Variants in CPA6 observed in about 807,000 individuals in gnomAD.
CPA6 encodes the protein carboxypeptidase B.
Under a neutral mutation model 63.3 loss-of-function variants are expected in CPA6, and 58 were observed. The ratio of observed to expected loss-of-function variants is 0.92; its 90% CI spans 0.74 to 1.14. The LOEUF is 1.14. CPA6 is among the 50% of genes most tolerant of loss of function. The pLI is 0.00. For synonymous variants in CPA6, 185 were observed against 179.0 expected (o/e 1.03, Z -0.27); for missense variants, 565 against 526.6 (o/e 1.07, Z -0.71).
intron 1 of CPA6, among the ~76,000 whole-genome samples, chr8:67,679,760 T>C (rs1816553988): frequency 6.6e-6 from 1 of 152,218 alleles, no homozygotes; most frequent in African/African-American, 2.4e-5. Context: ...TTTGTTCTGG[T>C]GGAAATGCCT....
At chr8:67,458,645 G>A (rs1810731584) in intron 8 of CPA6, among the ~76,000 whole-genome samples, 1 of 152,186 alleles carries the variant, frequency 6.6e-6, no homozygotes, top group African/African-American at 2.4e-5. Flanking sequence ...GAGAACATTT[G>A]CAAAAGACAC....
At chr8:67,695,557 T>C (rs1408793937) in intron 1 of CPA6, among the ~76,000 whole-genome samples, 2 of 152,214 alleles carry the variant, frequency 1.3e-5, no homozygotes, top group African/African-American at 4.8e-5. Context: ...TGCCATGATA[T>C]TCTACACAGC....
intron 8 of CPA6, among the ~76,000 whole-genome samples, chr8:67,469,412 C>T (rs1405152826): frequency 1.3e-5 from 2 of 152,142 alleles, no homozygotes; most frequent in Non-Finnish European, 1.5e-5. Flanking sequence ...TTGAGACCAG[C>T]CTGGTCAACA....
At chr8:67,603,437 A>G (rs546432493) in intron 2 of CPA6, among the ~76,000 whole-genome samples, 81 of 152,216 alleles carry the variant, frequency 5.3e-4, no homozygotes, top group Non-Finnish European at 1.1e-3. Context: ...TATTTCTTTC[A>G]GGGTTATGAT....
At chr8:67,470,158 T>C (rs562216037) in intron 8 of CPA6, among the ~76,000 whole-genome samples, 8 of 151,932 alleles carry the variant, frequency 5.3e-5, no homozygotes, top group Non-Finnish European at 8.8e-5. Flanking sequence ...GCCTCCCAAG[T>C]AGCTGGGATT....
At chr8:67,543,006 G>T (rs945802049) in intron 2 of CPA6, among the ~76,000 whole-genome samples, 1 of 152,090 alleles carries the variant, frequency 6.6e-6, no homozygotes, top group Admixed American at 6.5e-5. Context: ...TGTAGTATTC[G>T]TTAAGAACTT....
chr8:67,682,161 G>C (rs927833495), intron 1 of CPA6, among the ~76,000 whole-genome samples: 1 of 151,746 alleles, frequency 6.6e-6, no homozygotes, highest in Non-Finnish European at 1.5e-5. Flanking sequence ...GAACTTGTTA[G>C]ATCTGTGGCT....
intron 2 of CPA6, among the ~76,000 whole-genome samples, chr8:67,544,038 T>C (rs1812762550): frequency 6.6e-6 from 1 of 152,128 alleles, no homozygotes; most frequent in Non-Finnish European, 1.5e-5. Flanking sequence ...TCCTCCTGCC[T>C]AGGACCCCCA....
chr8:67,663,725 A>G (rs911807389), intron 1 of CPA6, among the ~76,000 whole-genome samples: 2 of 152,196 alleles, frequency 1.3e-5, no homozygotes. Flanking sequence ...ACGGCTGCAT[A>G]GGATTCCATG....
At chr8:67,631,800 G>T (rs973349887) in intron 1 of CPA6, among the ~76,000 whole-genome samples, 1 of 152,106 alleles carries the variant, frequency 6.6e-6, no homozygotes, top group East Asian at 1.9e-4. Flanking sequence ...TGTGGCCAGC[G>T]AGATCATGAA....
chr8:67,518,657 C>A (rs1238248082), intron 2 of CPA6, among the ~76,000 whole-genome samples: 1 of 151,912 alleles, frequency 6.6e-6, no homozygotes, highest in Admixed American at 6.6e-5. Flanking sequence ...CAGGTGCATG[C>A]CACCTGGTCC....
chr8:67,595,476 G>GC (rs1053586237), intron 2 of CPA6, among the ~76,000 whole-genome samples: 5 of 152,222 alleles, frequency 3.3e-5, no homozygotes, highest in African/African-American at 1.2e-4. Context: ...TCTGTGCCCT[G>GC]CCCCCAGAGG....
At chr8:67,566,171 GT>G in intron 2 of CPA6, among the ~76,000 whole-genome samples, 1 of 152,268 alleles carries the variant, frequency 6.6e-6, no homozygotes, top group East Asian at 1.9e-4. Context: ...TCCCATTGTC[GT>G]TTCAATAGTA....
At chr8:67,437,075 A>G (rs1323857842) in intron 8 of CPA6, among the ~76,000 whole-genome samples, 1 of 152,208 alleles carries the variant, frequency 6.6e-6, no homozygotes, top group Admixed American at 6.5e-5. Context: ...CAAGTGGGCT[A>G]TAGATGGAAC....
At chr8:67,465,702 A>G (rs1810909788) in intron 8 of CPA6, among the ~76,000 whole-genome samples, 1 of 152,048 alleles carries the variant, frequency 6.6e-6, no homozygotes, top group African/African-American at 2.4e-5. Context: ...AGCTTTTCCC[A>G]TGTCTATTGA....
chr8:67,568,948 A>G (rs1303747879), intron 2 of CPA6, among the ~76,000 whole-genome samples: 2 of 152,122 alleles, frequency 1.3e-5, no homozygotes, highest in African/African-American at 4.8e-5. Flanking sequence ...AAGGGGTTTC[A>G]CCATGTTGGC....
At chr8:67,739,308 G>C (rs770112006) in intron 1 of CPA6, among the ~76,000 whole-genome samples, 4 of 152,136 alleles carry the variant, frequency 2.6e-5, no homozygotes, top group Non-Finnish European at 5.9e-5. Flanking sequence ...TGGGTATAAC[G>C]AGCTGATAAA....
At chr8:67,735,038 C>T (rs1327298814) in intron 1 of CPA6, among the ~76,000 whole-genome samples, 1 of 152,110 alleles carries the variant, frequency 6.6e-6, no homozygotes, top group Non-Finnish European at 1.5e-5. Flanking sequence ...CATCTTTTAT[C>T]AGTTGCTAAG....
intron 8 of CPA6, among the ~76,000 whole-genome samples, chr8:67,437,222 C>T (rs35000606): frequency 0.33 from 50,465 of 152,028 alleles, 11,819 homozygotes; most frequent in African/African-American, 0.67. Context: ...AGTGAAACCC[C>T]GTGTCTGCTA....
Sources: gnomAD v4.1 joint callset for allele counts (sites outside exome capture counted in the v4.1 genomes callset) on GRCh38, gnomAD v4.1.1 for gene constraint, MANE v1.5 for transcripts, NCBI Gene and HGNC (gene_info 2026-07-23, HGNC 2026-07-21) for gene names.